FBXO4: variants seen among roughly 807,000 people sequenced by gnomAD.
FBXO4 encodes the protein F-box protein 4.
A neutral mutation model predicts 43.7 loss-of-function variants in FBXO4; 36 were observed. The ratio of observed to expected loss-of-function variants is 0.82; its 90% confidence interval spans 0.63 to 1.09. The LOEUF (loss-of-function observed/expected upper bound fraction) is 1.09. Among genes scored for constraint, FBXO4 ranks in the 50% least tolerant of loss-of-function variants. The probability of loss-of-function intolerance (pLI) is 0.00; values close to 1 mark genes in which losing one functional copy is unlikely to be tolerated. For synonymous variants in FBXO4, 180 were observed against 165.6 expected, an observed-to-expected ratio of 1.09 and a Z score of -0.67; for missense variants, 435 against 474.1, an observed-to-expected ratio of 0.92 and a Z score of 0.77.
the FBXO4 span, among the ~76,000 whole-genome samples, chr5:41,965,799 G>C: frequency 3.3e-5 from 5 of 152,150 alleles, no homozygotes; most frequent in East Asian, 9.7e-4. Flanking sequence ...CCATTACTGG[G>C]TATACACCCA....
chr5:41,980,651 G>GT, the FBXO4 span, among the ~76,000 whole-genome samples: 1,364 of 150,664 alleles, frequency 9.1e-3, 18 homozygotes, highest in Middle Eastern at 0.028. Flanking sequence ...CGTTTTATGG[G>GT]TTTTTTTTTG....
At chr5:41,995,008 C>G in the FBXO4 span, among the ~76,000 whole-genome samples, 108 of 152,236 alleles carry the variant, frequency 7.1e-4, no homozygotes, top group African/African-American at 2.5e-3. Context: ...TCCTGGAGAA[C>G]TTTTCCCAAG....
At chr5:41,973,120 G>C in the FBXO4 span, among the ~76,000 whole-genome samples, 2 of 152,048 alleles carry the variant, frequency 1.3e-5, no homozygotes, top group Non-Finnish European at 2.9e-5. Context: ...GAAACTATCA[G>C]CAAAGTAAAC....
At chr5:42,012,736 G>C in the FBXO4 span, among the ~76,000 whole-genome samples, 3 of 152,082 alleles carry the variant, frequency 2.0e-5, no homozygotes, top group East Asian at 5.8e-4. Flanking sequence ...TATGTGCAAG[G>C]GTTAAGAACA....
At chr5:42,036,610 C>A in the FBXO4 span, among the ~76,000 whole-genome samples, 1 of 152,040 alleles carries the variant, frequency 6.6e-6, no homozygotes, top group Non-Finnish European at 1.5e-5. Context: ...CTAGCCTTAT[C>A]TTGGGGAATT....
At chr5:41,988,989 A>T in the FBXO4 span, among the ~76,000 whole-genome samples, 3 of 152,190 alleles carry the variant, frequency 2.0e-5, no homozygotes, top group East Asian at 5.8e-4. Context: ...AGGCGCATAA[A>T]TGCTTAGCAA....
the FBXO4 span, among the ~76,000 whole-genome samples, chr5:42,016,879 C>G: frequency 6.6e-6 from 1 of 151,950 alleles, no homozygotes; most frequent in Admixed American, 6.6e-5. Flanking sequence ...TTTAACCTAA[C>G]TTTTTTTGTT....
the FBXO4 span, among the ~76,000 whole-genome samples, chr5:42,024,801 T>C: frequency 1.3e-5 from 2 of 151,906 alleles, no homozygotes; most frequent in African/African-American, 2.4e-5. Flanking sequence ...TGAGAACAAA[T>C]GATGTCTTTC....
chr5:42,022,253 GA>G, the FBXO4 span, among the ~76,000 whole-genome samples: 1 of 152,100 alleles, frequency 6.6e-6, no homozygotes, highest in Admixed American at 6.6e-5. Flanking sequence ...AGACATTGGA[GA>G]AAAAGAGAAA....
the FBXO4 span, among the ~76,000 whole-genome samples, chr5:41,969,875 A>T: frequency 7.2e-5 from 11 of 152,150 alleles, 1 homozygote; most frequent in Non-Finnish European, 1.2e-4. Flanking sequence ...GTGTTGTGAA[A>T]AAAAGGTGGG....
chr5:41,995,139 T>G, the FBXO4 span, among the ~76,000 whole-genome samples: 2 of 152,312 alleles, frequency 1.3e-5, no homozygotes, highest in East Asian at 1.9e-4. Context: ...GTGAATTCCA[T>G]GAGCATAAGC....
chr5:41,940,353 C>G (rs947421401), intron 6 of FBXO4, among the ~76,000 whole-genome samples: 1 of 152,080 alleles, frequency 6.6e-6, no homozygotes, highest in Non-Finnish European at 1.5e-5. Context: ...CCTCTGCCTC[C>G]TGGGTTCAAG....
chr5:41,988,074 AATG>A, the FBXO4 span, among the ~76,000 whole-genome samples: 1 of 152,138 alleles, frequency 6.6e-6, no homozygotes, highest in Non-Finnish European at 1.5e-5. Context: ...TAATAGGTAA[AATG>A]AACTGTAACA....
the FBXO4 span, among the ~76,000 whole-genome samples, chr5:42,002,265 G>A: frequency 6.6e-6 from 1 of 152,162 alleles, no homozygotes; most frequent in African/African-American, 2.4e-5. Flanking sequence ...CTTTCCCAGA[G>A]GGTCGTTGTG....
At chr5:41,938,578 C>A (rs961391911) in intron 5 of FBXO4, among the ~76,000 whole-genome samples, 9 of 152,252 alleles carry the variant, frequency 5.9e-5, no homozygotes, top group African/African-American at 2.2e-4. Flanking sequence ...TAGTTTAAAA[C>A]AACTATTTTT....
chr5:42,011,632 T>C, the FBXO4 span, among the ~76,000 whole-genome samples: 1 of 152,248 alleles, frequency 6.6e-6, no homozygotes, highest in Non-Finnish European at 1.5e-5. Flanking sequence ...TGAGGCTCTA[T>C]TGTTTCTCAT....
the FBXO4 span, among the ~76,000 whole-genome samples, chr5:41,971,838 TCTTA>T: frequency 8.5e-5 from 13 of 152,216 alleles, no homozygotes; most frequent in South Asian, 2.1e-4. Context: ...TTCTTTACAC[TCTTA>T]CTTATTTCAT....
At chr5:42,025,064 C>T in the FBXO4 span, among the ~76,000 whole-genome samples, 1 of 151,944 alleles carries the variant, frequency 6.6e-6, no homozygotes, top group Non-Finnish European at 1.5e-5. Context: ...TGGGTATATA[C>T]TCAGCAATGG....
At position 41,941,490 on chromosome 5, in the gene FBXO4, C is replaced by G. The variant is rs1214770288; in HGVS notation, c.*209C>G. ...AGAGTTTCAGTCCTAGTATTTAGCC[C>G]CAAAATGAACCTTTAAACATTTTTT... On this transcript the variant is annotated 3_prime_UTR_variant, in exon 7 of 7. Coordinates refer to ENST00000281623, the MANE Select transcript of FBXO4 (RefSeq NM_012176.3). 1 of 316,250 alleles carries G rather than the reference C, an allele frequency of 3.2e-6. No homozygotes were observed. Among genetic ancestry groups the G allele is most frequent in the African/African-American group, 2.1e-5 (1 of 46,962 alleles). 19.6% of individuals were successfully genotyped at this position (316,250 alleles called of 1,614,324 possible).
Sources: gnomAD v4.1 joint callset for allele counts (sites outside exome capture counted in the v4.1 genomes callset) on GRCh38, gnomAD v4.1.1 for gene constraint, MANE v1.5 for transcripts, NCBI Gene and HGNC (gene_info 2026-07-23, HGNC 2026-07-21) for gene names.